PEX10: variants seen among roughly 807,000 people sequenced by gnomAD.
PEX10 encodes the protein peroxisome biogenesis factor 10.
Under a neutral mutation model 38.0 loss-of-function variants are expected in PEX10, and 32 were observed. The observed-to-expected ratio is 0.84, with a 90% CI of 0.63 to 1.13. The LOEUF is 1.13. Among genes scored for constraint, PEX10 ranks in the 50% most tolerant of loss-of-function variants. The pLI is 0.00. For synonymous variants in PEX10, 206 were observed against 207.3 expected, an observed-to-expected ratio of 0.99 and a Z score of 0.05; for missense variants, 483 against 457.7, an observed-to-expected ratio of 1.06 and a Z score of -0.51.
chr1:2,408,457 T>C lies in PEX10; in HGVS notation c.595A>G (p.Thr199Ala), dbSNP rs1312033110. The C allele has an allele frequency of 2.5e-6, 4 of 1,612,958 alleles. No individual in the cohort carries two copies. Among genetic ancestry groups the C allele is most frequent in the East Asian group, 2.2e-5 (1 of 44,862 alleles). Residue 199 changes from threonine (T) to alanine (A), a missense_variant, in exon 3 of 6, where the codon ACG (threonine) becomes GCG (alanine). Thr to Ala is a moderately conservative substitution (Grantham distance 58). Coordinates refer to ENST00000447513, the MANE Select transcript of PEX10 (RefSeq NM_002617.4). The part of the protein sequence containing the change: ...YHLAKRLTGI[T>A]YLRVRSLPGE... ...CCTCAGCGCCTGCTACTTACGTACG[T>C]GATCCCCGTGAGCCTCTTGGCCAGG...
At position 2,405,104 on chromosome 1, in the gene PEX10, T is replaced by C. The variant is rs1642954405; in HGVS notation, c.*662A>G. ...TGTGCGTCTCAGGCTGAGATGCAGA[T>C]TTCTGTTTTCTAAAACTGGAAGCGA... On this transcript the variant is annotated 3_prime_UTR_variant, in exon 6 of 6. Transcript: ENST00000447513. The C allele has an allele frequency of 6.2e-6, 1 of 160,172 alleles. No individual in the cohort carries two copies. The highest frequency in any genetic ancestry group is 1.4e-5 in the Non-Finnish European group (1 of 72,150). 9.9% of individuals were successfully genotyped at this position (160,172 alleles called of 1,614,324 possible). A position where few individuals can be genotyped will look rare whatever the true frequency, so the allele number is the denominator to read the frequency against.
Position 2,405,634 on chromosome 1 carries a change from GGTTA to G in PEX10, c.*128_*131del. On this transcript the variant is annotated 3_prime_UTR_variant, in exon 6 of 6. Coordinates refer to ENST00000447513, the MANE Select transcript of PEX10 (RefSeq NM_002617.4). Reference sequence around the variant, plus strand: ...TTTCTGTTCTCTCCCAGGGTGGCTAGGTTAGTATCTTACATGACAAAAAACTGAG... The same window carrying G: ...TTTCTGTTCTCTCCCAGGGTGGCTAGGTATCTTACATGACAAAAAACTGAG... 1.2e-6 allele frequency: 1 copy of G among 848,260 alleles called. No homozygotes were observed. The highest frequency in any genetic ancestry group is 1.9e-6 in the Non-Finnish European group (1 of 516,954). The allele number at this position is 848,260 out of a possible 1,614,324, so 52.5% of individuals were successfully genotyped here. A position where few individuals can be genotyped will look rare whatever the true frequency, so the allele number is the denominator to read the frequency against.
At position 2,405,822 on chromosome 1, in the gene PEX10, G is replaced by A; in HGVS notation, c.925C>T (p.Leu309Phe). 1 of 1,598,480 alleles carries A rather than the reference G, an allele frequency of 6.3e-7. No individual in the cohort carries two copies. Among genetic ancestry groups the A allele is most frequent in the Non-Finnish European group, 8.5e-7 (1 of 1,173,088 alleles). The change falls in exon 6 of 6, where the codon CTC becomes TTC. Residue 309 changes from leucine (L) to phenylalanine (F), a missense_variant. Physicochemically the swap from Leu to Phe is conservative, Grantham distance 22. Transcript: ENST00000447513. ...TGGGGAGGGAACTTCTCCCGGCAGAGGGGACACTCCGCCTGCGGAGAGGAG... is the reference window on the plus strand; with the variant it reads ...TGGGGAGGGAACTTCTCCCGGCAGAAGGGACACTCCGCCTGCGGAGAGGAG... Reference protein sequence around the residue: ...AWCSSKAECPLCREKFPPQKL... With the variant: ...AWCSSKAECPFCREKFPPQKL...
At chr1:2,412,361 C>T in intron 1 of PEX10, 30 bp downstream of exon 1, 2 of 1,353,478 alleles carry the variant, frequency 1.5e-6, no homozygotes, top group Non-Finnish European at 9.4e-7. Context: ...GGGCCGCTCG[C>T]GAGGACGTCC....
Position 2,408,521 on chromosome 1 carries a change from T to A in PEX10, c.531A>T (p.Leu177=), listed in dbSNP as rs1380528384. Residue 177 remains leucine (L), a synonymous_variant, in exon 3 of 6, where the codon CTA becomes CTT. Transcript: ENST00000447513. ...CGTGGATGTAAAACCAGGCAACATG[T>A]AGCCGCTGGAGGCAGGCGAGGCCCT... ...LRQGLACLQR[L]HVAWFYIHGV... 1 of 1,612,808 alleles carries A rather than the reference T, an allele frequency of 6.2e-7. No homozygotes were observed. Among genetic ancestry groups the A allele is most frequent in the Non-Finnish European group, 8.5e-7 (1 of 1,180,012 alleles).
chr1:2,408,071 G>C (rs903445699), intron 3 of PEX10, among the ~76,000 whole-genome samples: 1 of 152,078 alleles, frequency 6.6e-6, no homozygotes, highest in African/African-American at 2.4e-5. Flanking sequence ...CTCCCACACT[G>C]TCTGGGAGAA....
At chr1:2,406,698 C>G (rs991842407) in intron 4 of PEX10, 22 bp downstream of exon 4, 1 of 1,609,530 alleles carries the variant, frequency 6.2e-7, no homozygotes, top group African/African-American at 1.3e-5. Context: ...CCCCAGCCCC[C>G]ATGTGTGGCC....
intron 3 of PEX10, among the ~76,000 whole-genome samples, chr1:2,408,242 G>A (rs934018871): frequency 1.1e-4 from 16 of 152,178 alleles, no homozygotes; most frequent in Non-Finnish European, 2.2e-4. Flanking sequence ...CTTAGGGTCT[G>A]GACTTCCTTG....
intron 5 of PEX10, among the ~76,000 whole-genome samples, chr1:2,406,066 T>G (rs922567635): frequency 1.3e-5 from 2 of 151,352 alleles, no homozygotes; most frequent in African/African-American, 2.4e-5. Context: ...GGCCGGGAGG[T>G]TCCCTCCTGC....
intron 1 of PEX10, among the ~76,000 whole-genome samples, chr1:2,411,818 G>A (rs1163457212): frequency 6.6e-6 from 1 of 152,204 alleles, no homozygotes; most frequent in Non-Finnish European, 1.5e-5. Flanking sequence ...GATGACAGGT[G>A]CTGCTTCATT....
chr1:2,412,351 G>C (rs1400909014), intron 1 of PEX10, 40 bp downstream of exon 1: 5 of 1,349,368 alleles, frequency 3.7e-6, no homozygotes, highest in Non-Finnish European at 4.7e-6. Context: ...AACACCCCCT[G>C]GGCCGCTCGC....
At position 2,412,451 on chromosome 1, in the gene PEX10, C is replaced by T. The variant is rs61750432; in HGVS notation, c.52G>A (p.Asp18Asn). Residue 18 changes from aspartate to asparagine, a missense_variant, in exon 1 of 6, where the codon GAC (aspartate) becomes AAC (asparagine). Transcript: ENST00000447513. ...PPEVIRAAQK[D>N]EYYRGGLRSA... is the part of the protein sequence containing the mutation. ...CGCAGCCCACCGCGGTAGTACTCGT[C>T]CTTCTGCGCCGCGCGGATCACCTCC... The T allele has an allele frequency of 7.0e-7, 1 of 1,425,346 alleles. No individual in the cohort carries two copies. The highest frequency in any genetic ancestry group is 9.1e-7 in the Non-Finnish European group (1 of 1,093,180). The allele number at this position is 1,425,346 out of a possible 1,614,324, so 88.3% of individuals were successfully genotyped here.
chr1:2,408,165 C>G (rs1224724079), intron 3 of PEX10, among the ~76,000 whole-genome samples: 1 of 152,232 alleles, frequency 6.6e-6, no homozygotes, highest in East Asian at 1.9e-4. Flanking sequence ...CGGGGCCCCC[C>G]GGTCAGTAAA....
chr1:2,408,992 C>T (rs1009419247), intron 2 of PEX10, 134 bp from the exon 3 acceptor site: 3 of 867,700 alleles, frequency 3.5e-6, no homozygotes, highest in African/African-American at 3.3e-5. Flanking sequence ...CCACTGTCAC[C>T]CCGTGCTGGC....
chr1:2,406,629 G>A lies in PEX10; in HGVS notation c.777-10C>T, dbSNP rs2100421986. 3.1e-6 allele frequency: 5 copies of A among 1,613,134 alleles called. No homozygotes were observed. Among genetic ancestry groups the A allele is most frequent in the Non-Finnish European group, 4.2e-6 (5 of 1,179,740 alleles). The stretch of plus-strand genomic sequence containing the variant: ...CTCCTCCAAGGAGGCCCTGGGGAAG[G>A]TGGGGCAGAGCGTCAAGGTGGGTGC... On this transcript the variant is annotated splice_polypyrimidine_tract_variant and intron_variant, in intron 4 of 5. Transcript: ENST00000447513.
chr1:2,412,344 AC>A (rs1162150177), intron 1 of PEX10, 46 bp downstream of exon 1: 3 of 1,312,036 alleles, frequency 2.3e-6, no homozygotes, highest in Non-Finnish European at 9.7e-7. Context: ...GAGGGGCAAC[AC>A]CCCCTGGGCC....
chr1:2,410,315 C>T lies in PEX10; in HGVS notation c.193+56G>A, dbSNP rs1336312936. On this transcript the variant is annotated intron_variant, in intron 2 of 5. Transcript: ENST00000447513. This position sits in a 1 kb window ranked among gnomAD's most constrained non-coding sequence, Gnocchi z 5.1. ...GCCTGGCAGCCCCCTGGCCACCGTC[C>T]CCAGACTTGGTGTGTGTGGCTGCCC... is the stretch of plus-strand genomic sequence containing the variant. The T allele has an allele frequency of 4.7e-6, 7 of 1,486,344 alleles. No individual in the cohort carries two copies. The East Asian group carries it at 1.1e-4, about 24-fold the overall frequency. 92.1% of individuals were successfully genotyped at this position (1,486,344 alleles called of 1,614,324 possible).
At chr1:2,406,640 C>T (rs201328179) in intron 4 of PEX10, 21 bp from the exon 5 acceptor site, 246 of 1,612,826 alleles carry the variant, frequency 1.5e-4, no homozygotes, top group Middle Eastern at 6.6e-4. Context: ...TGGGGCAGAG[C>T]GTCAAGGTGG....
rs960238801 is a variant in PEX10 at position 2,410,675 on chromosome 1, C to T, written c.113-224G>A. The T allele has an allele frequency of 3.3e-6, 2 of 611,808 alleles. No individual in the cohort carries two copies. 37.9% of individuals were successfully genotyped at this position (611,808 alleles called of 1,614,324 possible). On this transcript the variant is annotated intron_variant, in intron 1 of 5. Coordinates refer to ENST00000447513, the MANE Select transcript of PEX10 (RefSeq NM_002617.4). This position sits in a 1 kb window ranked among gnomAD's most constrained non-coding sequence, Gnocchi z 5.1. ...GTCTGCGAAGAATCTCCCACCTGTG[C>T]TCATCTCTTGCTCCGGGATTCCCCT... is the stretch of plus-strand genomic sequence containing the variant.
Sources: allele counts gnomAD v4.1 joint callset (sites outside exome capture counted in the v4.1 genomes callset), GRCh38; gene constraint gnomAD v4.1.1; non-coding constraint Gnocchi (gnomAD v3.1); transcripts MANE v1.5; gene names NCBI Gene and HGNC (gene_info 2026-07-23, HGNC 2026-07-21).